MYOM2: variants seen among roughly 807,000 people sequenced by gnomAD.
MYOM2 encodes myomesin 2, also known as myomesin-2.
In MYOM2, 254 loss-of-function variants were observed where a neutral mutation model predicts 187.6. The observed-to-expected ratio is 1.35, with a 90% CI of 1.22 to 1.50. The LOEUF (loss-of-function observed/expected upper bound fraction) is 1.50, where lower values mean the gene tolerates loss of function less well. Among genes scored for constraint, MYOM2 ranks in the 40% most tolerant of loss-of-function variants. The probability of loss-of-function intolerance (pLI) is 0.00; values close to 1 mark genes in which losing one functional copy is unlikely to be tolerated. For synonymous variants in MYOM2, 981 were observed against 753.8 expected (o/e 1.30, Z -4.94); for missense variants, 2,796 against 1,924.0 (o/e 1.45, Z -8.48).
chr8:2,104,718 G>T (rs890556530), intron 21 of MYOM2, among the ~76,000 whole-genome samples: 1 of 152,184 alleles, frequency 6.6e-6, no homozygotes, highest in African/African-American at 2.4e-5. Flanking sequence ...GGTGGCTCCG[G>T]TGAGGGCCTC....
intron 8 of MYOM2, among the ~76,000 whole-genome samples, chr8:2,069,892 T>G (rs539287789): frequency 6.6e-6 from 1 of 152,324 alleles, no homozygotes; most frequent in Admixed American, 6.5e-5. Flanking sequence ...GAATGCATCA[T>G]GTTGCTGTTT....
chr8:2,124,127 C>T (rs1193990524), intron 30 of MYOM2, 52 bp from the exon 31 acceptor site: 1 of 1,542,930 alleles, frequency 6.5e-7, no homozygotes, highest in Non-Finnish European at 8.9e-7. Context: ...GAAAATGCTG[C>T]TTTCGGTTAA....
chr8:2,108,995 T>TTA, intron 24 of MYOM2, among the ~76,000 whole-genome samples, 165 bp downstream of exon 24: 1 of 152,304 alleles, frequency 6.6e-6, no homozygotes, highest in Admixed American at 6.5e-5. Context: ...AAATATTAGC[T>TTA]TATATTATAG....
chr8:2,140,830 T>C lies in MYOM2; in HGVS notation c.3908T>C (p.Phe1303Ser), dbSNP rs754526310. ...PTEKDKGKYT[F>S]EIFDGKDNHQ... is the part of the protein sequence containing the mutation. Reference sequence around the variant, plus strand: ...GAGAAGGATAAAGGAAAATACACTTTTGAGATTTTCGATGGCAAAGACAAC... The same window carrying C: ...GAGAAGGATAAAGGAAAATACACTTCTGAGATTTTCGATGGCAAAGACAAC... Residue 1303 changes from phenylalanine (F) to serine (S), a missense_variant, in exon 33 of 37, where the codon TTT becomes TCT. By Grantham distance (155) the Phe-to-Ser change is radical. Coordinates refer to ENST00000262113, the MANE Select transcript of MYOM2 (RefSeq NM_003970.4). The C allele has an allele frequency of 1.8e-5, 29 of 1,613,940 alleles. No individual in the cohort carries two copies. The highest frequency in any genetic ancestry group is 6.6e-5 in the South Asian group (6 of 91,076).
At chr8:2,087,285 A>T (rs57910452) in intron 14 of MYOM2, among the ~76,000 whole-genome samples, 3,551 of 152,294 alleles carry the variant, frequency 0.023, 131 homozygotes, top group African/African-American at 0.077. Context: ...ATGCCACCTA[A>T]TACAATAATC....
chr8:2,047,598 G>A (rs1171068589), intron 1 of MYOM2, among the ~76,000 whole-genome samples: 1 of 152,212 alleles, frequency 6.6e-6, no homozygotes, highest in Admixed American at 6.5e-5. Flanking sequence ...CATACTTGTG[G>A]AATCAACTGA....
At position 2,124,229 on chromosome 8, in the gene MYOM2, C is replaced by T; in HGVS notation, c.3694+12C>T. 3.1e-6 allele frequency: 5 copies of T among 1,608,832 alleles called. No homozygotes were observed. Among genetic ancestry groups the T allele is most frequent in the Middle Eastern group, 1.7e-4 (1 of 6,056 alleles). On this transcript the variant is annotated intron_variant, in intron 31 of 36. Transcript: ENST00000262113. ...GAGTAGAGTCTGTGGTAAGTAAATG[C>T]CTTTTAATTTTCAAGTCATTTGGGG...
chr8:2,102,948 A>C (rs1013131916), intron 21 of MYOM2, among the ~76,000 whole-genome samples, 167 bp downstream of exon 21: 26 of 151,752 alleles, frequency 1.7e-4, no homozygotes, highest in African/African-American at 6.1e-4. Context: ...GAGAGTGTGC[A>C]TGTGTTACGT....
chr8:2,070,443 C>G (rs771972533), intron 8 of MYOM2, among the ~76,000 whole-genome samples: 3 of 152,136 alleles, frequency 2.0e-5, no homozygotes, highest in African/African-American at 4.8e-5. Context: ...GGTGAGCCCC[C>G]AAGACCACCA....
intron 32 of MYOM2, among the ~76,000 whole-genome samples, chr8:2,138,530 A>T (rs533842606): frequency 1.3e-5 from 2 of 152,312 alleles, no homozygotes; most frequent in African/African-American, 4.8e-5. Context: ...GAGCTAATTA[A>T]CATATTGTGA....
At chr8:2,048,938 C>A (rs1818394901) in intron 1 of MYOM2, among the ~76,000 whole-genome samples, 2 of 151,830 alleles carry the variant, frequency 1.3e-5, no homozygotes, top group South Asian at 2.1e-4. Context: ...TACAGGGGAC[C>A]CCCACCATTC....
intron 13 of MYOM2, among the ~76,000 whole-genome samples, chr8:2,084,774 G>C (rs1436844647): frequency 6.6e-6 from 1 of 152,176 alleles, no homozygotes; most frequent in Admixed American, 6.5e-5. Context: ...GAGCAGGCAA[G>C]GTGTTTTAGA....
rs778864709 is a variant in MYOM2, at chr8:2,057,605, C to G, written c.403-18C>G. On this transcript the variant is annotated intron_variant, in intron 4 of 36. Transcript: ENST00000262113. The stretch of plus-strand genomic sequence containing the variant: ...GCTCGCTGCCTGGGAACCTGACCAT[C>G]CTTGCTTCTCGGGGCAGATGGAGGA... 3 of 1,613,814 alleles carry G rather than the reference C, an allele frequency of 1.9e-6. No individual in the cohort carries two copies. Among genetic ancestry groups the G allele is most frequent in the Non-Finnish European group, 2.5e-6 (3 of 1,179,834 alleles).
intron 15 of MYOM2, among the ~76,000 whole-genome samples, chr8:2,091,211 A>C (rs1052611841): frequency 1.3e-5 from 2 of 151,954 alleles, no homozygotes; most frequent in African/African-American, 4.8e-5. Context: ...CTTTTTTAAA[A>C]AAATTTTTGT....
At chr8:2,141,799 G>A (rs573275918) in intron 34 of MYOM2, among the ~76,000 whole-genome samples, 36 of 152,276 alleles carry the variant, frequency 2.4e-4, no homozygotes, top group Non-Finnish European at 4.1e-4. Flanking sequence ...TCTAATCAAG[G>A]AAGACTTAAA....
Position 2,109,540 on chromosome 8 carries a change from CTG to C in MYOM2, c.3180+14_3180+15del. On this transcript the variant is annotated intron_variant, in intron 25 of 36. Transcript: ENST00000262113. ...AAGTCTCTGACAGCGAGGTGAGTTC[CTG>C]TGTGAGTGATCTCTGGCTTTGCAGG... 6.2e-7 allele frequency: 1 copy of C among 1,604,060 alleles called. No individual in the cohort carries two copies. The highest frequency in any genetic ancestry group is 1.1e-5 in the South Asian group (1 of 89,270).
chr8:2,145,002 G>T lies in MYOM2; in HGVS notation c.*21G>T. ...AGTGAAGGCGTTTTCCTAGCCTGGA[G>T]ATGGGAAAATATGCTTGGCAGAGAC... On this transcript the variant is annotated 3_prime_UTR_variant, in exon 37 of 37. Coordinates refer to ENST00000262113, the MANE Select transcript of MYOM2 (RefSeq NM_003970.4). The T allele has an allele frequency of 6.2e-7, 1 of 1,609,924 alleles. No individual in the cohort carries two copies. The highest frequency in any genetic ancestry group is 1.3e-5 in the African/African-American group (1 of 74,636).
intron 4 of MYOM2, 62 bp from the exon 5 acceptor site, chr8:2,057,561 G>T (rs961303268): frequency 6.2e-6 from 10 of 1,612,694 alleles, no homozygotes; most frequent in Non-Finnish European, 8.5e-6. Context: ...GGTGCTTGAG[G>T]GGCCGAGGGT....
At chr8:2,048,680 C>T (rs1378382156) in intron 1 of MYOM2, among the ~76,000 whole-genome samples, 2 of 152,236 alleles carry the variant, frequency 1.3e-5, no homozygotes, top group Admixed American at 1.3e-4. Flanking sequence ...GTCTACCAGA[C>T]ATCAAAACCT....
Sources: allele counts gnomAD v4.1 joint callset (sites outside exome capture counted in the v4.1 genomes callset), GRCh38; gene constraint gnomAD v4.1.1; transcripts MANE v1.5; gene names NCBI Gene and HGNC (gene_info 2026-07-23, HGNC 2026-07-21).